Variants in MRC2 observed in about 807,000 individuals in gnomAD.
MRC2 encodes mannose receptor C-type 2, also known as C-type mannose receptor 2.
A neutral mutation model predicts 206.2 loss-of-function variants in MRC2; 84 were observed. The ratio of observed to expected loss-of-function variants is 0.41; its 90% confidence interval spans 0.34 to 0.49. The LOEUF is 0.49. Among genes scored for constraint, MRC2 ranks in the 20% least tolerant of loss-of-function variants. The pLI is 0.31. For missense variants in MRC2, 1,676 were observed against 2,001.5 expected (o/e 0.84, Z 3.10); for synonymous variants, 798 against 800.0 (o/e 1.00, Z 0.04).
intron 1 of MRC2, among the ~76,000 whole-genome samples, chr17:62,647,113 C>T (rs1317156034): frequency 6.6e-6 from 1 of 151,902 alleles, no homozygotes; most frequent in Non-Finnish European, 1.5e-5. Context: ...AATGCAAAAG[C>T]GTCTTTCTAG....
chr17:62,677,341 C>T lies in MRC2; in HGVS notation c.1907C>T (p.Thr636Ile). Reference sequence around the variant, plus strand: ...GGGCTGTGGGAGGTGAAGAACTGTACCTCGTTCCGGGCCCGCTACATCTGC... The same window carrying T: ...GGGCTGTGGGAGGTGAAGAACTGTATCTCGTTCCGGGCCCGCTACATCTGC... ...AMGLWEVKNCTSFRARYICRQ... is the reference protein window; with the variant it reads ...AMGLWEVKNCISFRARYICRQ... Residue 636 changes from threonine (T) to isoleucine (I), a missense_variant, in exon 12 of 30, where the codon ACC (threonine) becomes ATC (isoleucine). By Grantham distance (89) the Thr-to-Ile change is moderately conservative. Coordinates refer to ENST00000303375, the MANE Select transcript of MRC2 (RefSeq NM_006039.5). 1.9e-6 allele frequency: 3 copies of T among 1,608,542 alleles called. No individual in the cohort carries two copies. The South Asian group carries it at 3.3e-5, about 18-fold the overall frequency.
chr17:62,650,858 C>G (rs187336746), intron 1 of MRC2, among the ~76,000 whole-genome samples: 1 of 152,038 alleles, frequency 6.6e-6, no homozygotes. Context: ...ATTTCATTGT[C>G]GGTATTGACG....
intron 1 of MRC2, among the ~76,000 whole-genome samples, chr17:62,645,620 A>G (rs1370389415): frequency 1.4e-5 from 2 of 140,786 alleles, no homozygotes; most frequent in Non-Finnish European, 3.0e-5. Context: ...TGCAGCCTCA[A>G]TCTTCTGGGC....
intron 20 of MRC2, 58 bp downstream of exon 20, chr17:62,682,435 A>G (rs111736142): frequency 0.026 from 39,356 of 1,542,082 alleles, 602 homozygotes; most frequent in Middle Eastern, 0.044. Context: ...GAACAGGGAA[A>G]GGCTGAGCCT....
In MRC2 at chr17:62,639,955, GCA is replaced by G. The variant is rs1318052356; in HGVS notation, c.118+12036_118+12037del. ...TGCAACCTCTGCCTCCTGGGTTGAA[GCA>G]ATTCTTCTGCCTCAGCCTCCCGAGT... On this transcript the variant is annotated intron_variant, in intron 1 of 29. Transcript: ENST00000303375. Among the ~76,000 whole-genome samples, 3 of 149,612 alleles carry G rather than the reference GCA, an allele frequency of 2.0e-5. No homozygotes were observed. The East Asian group carries it at 6.0e-4, about 30-fold the overall frequency.
chr17:62,645,565 G>T, intron 1 of MRC2, among the ~76,000 whole-genome samples: 2 of 85,164 alleles, frequency 2.3e-5, no homozygotes, highest in African/African-American at 4.5e-5. Flanking sequence ...ATGGAGTCTT[G>T]CTCTGTTGCC....
intron 12 of MRC2, among the ~76,000 whole-genome samples, chr17:62,678,051 A>AAAAT (rs946207021): frequency 6.4e-4 from 98 of 152,314 alleles, no homozygotes; most frequent in Admixed American, 4.8e-3. Context: ...CTCCGTCTCA[A>AAAAT]AAATAAATAA....
chr17:62,685,714 A>G (rs1438216710), intron 20 of MRC2, among the ~76,000 whole-genome samples: 1 of 151,472 alleles, frequency 6.6e-6, no homozygotes, highest in Non-Finnish European at 1.5e-5. Context: ...TAATTTTTCT[A>G]TTTTTTTTGT....
chr17:62,643,875 CAG>C (rs907386122), intron 1 of MRC2, among the ~76,000 whole-genome samples: 3 of 151,982 alleles, frequency 2.0e-5, no homozygotes, highest in African/African-American at 7.3e-5. Context: ...TTTAAGGACA[CAG>C]AAAAATCCCT....
Position 62,667,134 on chromosome 17 carries a change from C to T in MRC2, c.974-256C>T, listed in dbSNP as rs532786694. On this transcript the variant is annotated intron_variant, in intron 5 of 29. Coordinates refer to ENST00000303375, the MANE Select transcript of MRC2 (RefSeq NM_006039.5). The surrounding 1 kb of genome is among the most constrained non-coding windows in gnomAD (Gnocchi z 4.1). ...CTGTGGGCAGCGGGCACCAGCGCAC[C>T]CAGCAGCCTGGACGGGGAGGCCGGG... Among the ~76,000 whole-genome samples, 1 of 152,182 alleles carries T rather than the reference C, an allele frequency of 6.6e-6. No homozygotes were observed. Among genetic ancestry groups the T allele is most frequent in the East Asian group, 1.9e-4 (1 of 5,148 alleles).
intron 1 of MRC2, among the ~76,000 whole-genome samples, chr17:62,633,533 G>A (rs1373805006): frequency 2.6e-4 from 39 of 148,196 alleles, no homozygotes; most frequent in African/African-American, 9.4e-4. Flanking sequence ...GAGAAAACAT[G>A]ACTATCAAGG....
chr17:62,674,085 C>A lies in MRC2; in HGVS notation c.1484C>A (p.Pro495His). ...WGPEGRWNDS[P>H]CNQSLPSICK... ...TAGGAAGGCCGCTGGAACGACAGTC[C>A]CTGTAACCAGTCCTTGCCATCCATC... is the stretch of plus-strand genomic sequence containing the variant. Residue 495 changes from proline to histidine, a missense_variant, in exon 9 of 30, where the codon CCC (proline) becomes CAC (histidine). Physicochemically the swap from Pro to His is moderately conservative, Grantham distance 77 (BLOSUM62 -2). This residue lies in a region of MRC2 where 1,354 missense variants were observed against 1,636.6 expected (regional missense o/e 0.83). Transcript: ENST00000303375. The A allele has an allele frequency of 6.4e-7, 1 of 1,553,438 alleles. No individual in the cohort carries two copies. The highest frequency in any genetic ancestry group is 8.7e-7 in the Non-Finnish European group (1 of 1,148,044).
intron 28 of MRC2, among the ~76,000 whole-genome samples, chr17:62,691,405 A>G (rs945803920): frequency 6.6e-6 from 1 of 152,230 alleles, no homozygotes; most frequent in Non-Finnish European, 1.5e-5. Flanking sequence ...AGTCCTGGCC[A>G]TGTCACTTAT....
chr17:62,630,964 C>T (rs910685026), intron 1 of MRC2, among the ~76,000 whole-genome samples: 39 of 152,110 alleles, frequency 2.6e-4, no homozygotes, highest in African/African-American at 3.1e-4. Context: ...GGTGCCCAGC[C>T]GAGCTGTGGC....
chr17:62,629,396 C>G (rs547422026), intron 1 of MRC2, among the ~76,000 whole-genome samples: 6 of 152,326 alleles, frequency 3.9e-5, no homozygotes, highest in East Asian at 1.9e-4. Context: ...GAGGCCCGGT[C>G]AGGGAGGACA....
intron 1 of MRC2, among the ~76,000 whole-genome samples, chr17:62,635,808 G>A (rs1401857826): frequency 6.6e-6 from 1 of 150,810 alleles, no homozygotes; most frequent in East Asian, 1.9e-4. Flanking sequence ...TTTTTTCTGA[G>A]ACGGAGTCTC....
chr17:62,666,081 C>G lies in MRC2; in HGVS notation c.521-13C>G. 6.3e-7 allele frequency: 1 copy of G among 1,576,034 alleles called. No individual in the cohort carries two copies. Among genetic ancestry groups the G allele is most frequent in the Non-Finnish European group, 8.6e-7 (1 of 1,160,476 alleles). ...CAGATGCCAAGGGCCTGGCCCCTGT[C>G]CACCCCCTGCAGAGGTCTACACCAT... On this transcript the variant is annotated splice_polypyrimidine_tract_variant and intron_variant, in intron 2 of 29. Coordinates refer to ENST00000303375, the MANE Select transcript of MRC2 (RefSeq NM_006039.5). This position sits in a 1 kb window ranked among gnomAD's most constrained non-coding sequence, Gnocchi z 5.0.
intron 1 of MRC2, among the ~76,000 whole-genome samples, chr17:62,628,289 C>T (rs1427497121): frequency 6.6e-6 from 1 of 152,100 alleles, no homozygotes; most frequent in Non-Finnish European, 1.5e-5. Context: ...CAGGGCGCGC[C>T]CGGGGAGCCA....
At chr17:62,670,275 C>G (rs1353950032) in intron 6 of MRC2, among the ~76,000 whole-genome samples, 2 of 152,268 alleles carry the variant, frequency 1.3e-5, no homozygotes, top group African/African-American at 4.8e-5. Flanking sequence ...AAGCTCCCTT[C>G]CGGTCCTTGA....
Sources: allele counts gnomAD v4.1 joint callset (sites outside exome capture counted in the v4.1 genomes callset), GRCh38; gene constraint gnomAD v4.1.1; regional missense constraint gnomAD v4.1.1; non-coding constraint Gnocchi (gnomAD v3.1); transcripts MANE v1.5; gene names NCBI Gene and HGNC (gene_info 2026-07-23, HGNC 2026-07-21).